The following SLC41A3 variants were observed in gnomAD, a reference collection of about 807,000 sequenced individuals.
SLC41A3 encodes the protein solute carrier family 41 member 3.
Under a neutral mutation model 45.4 loss-of-function variants are expected in SLC41A3, and 44 were observed. The observed-to-expected ratio is 0.97, with a 90% confidence interval of 0.76 to 1.25. The LOEUF (loss-of-function observed/expected upper bound fraction) is 1.25, where lower values mean the gene tolerates loss of function less well. SLC41A3 is among the 50% of genes most tolerant of loss of function. The pLI is 0.00. For synonymous variants in SLC41A3, 256 were observed against 252.4 expected (o/e 1.01, Z -0.13); for missense variants, 550 against 600.6 (o/e 0.92, Z 0.88).
At chr3:126,067,859 T>C (rs1472444384) in intron 2 of SLC41A3, 88 bp downstream of exon 2, 1 of 1,479,510 alleles carries the variant, frequency 6.8e-7, no homozygotes, top group Non-Finnish European at 9.0e-7. Context: ...CCCGACAACC[T>C]TTAAGCTCAA....
chr3:126,022,721 G>C, intron 6 of SLC41A3, 65 bp downstream of exon 6: 1 of 1,596,388 alleles, frequency 6.3e-7, no homozygotes, highest in East Asian at 2.2e-5. Flanking sequence ...CAGCCTCAGT[G>C]GTGACCTGCT....
intron 7 of SLC41A3, among the ~76,000 whole-genome samples, chr3:126,016,440 T>C (rs1940290979): frequency 6.6e-6 from 1 of 152,218 alleles, no homozygotes; most frequent in African/African-American, 2.4e-5. Context: ...CCCTTGGGGC[T>C]CCAGTGCACT....
chr3:126,006,752 T>G lies in SLC41A3; in HGVS notation c.*264A>C. On this transcript the variant is annotated 3_prime_UTR_variant, in exon 11 of 11. Coordinates refer to ENST00000360370, the MANE Select transcript of SLC41A3 (RefSeq NM_017836.4). ...CAGAACACCCTCCTCTCCACAAACG[T>G]GTGCACACTTGCACGCTCATTAAGC... The G allele has an allele frequency of 6.9e-7, 1 of 1,443,724 alleles. No homozygotes were observed. The highest frequency in any genetic ancestry group is 2.9e-5 in the Admixed American group (1 of 34,968). 89.4% of individuals were successfully genotyped at this position (1,443,724 alleles called of 1,614,324 possible). A position where few individuals can be genotyped will look rare whatever the true frequency, so the allele number is the denominator to read the frequency against.
At chr3:126,020,732 T>C (rs1017706002) in intron 6 of SLC41A3, among the ~76,000 whole-genome samples, 2 of 152,112 alleles carry the variant, frequency 1.3e-5, no homozygotes, top group Non-Finnish European at 2.9e-5. Context: ...TATAATCTCT[T>C]CTCTCTGAAG....
At chr3:126,032,253 G>A (rs1941852658) in intron 4 of SLC41A3, among the ~76,000 whole-genome samples, 1 of 152,234 alleles carries the variant, frequency 6.6e-6, no homozygotes, top group Non-Finnish European at 1.5e-5. Flanking sequence ...GGCCACCCAG[G>A]TGGCCAGGAG....
intron 5 of SLC41A3, chr3:126,025,485 G>A (rs917363790): frequency 5.3e-5 from 8 of 152,182 alleles, no homozygotes; most frequent in Non-Finnish European, 1.2e-4. Flanking sequence ...GGGAAGGGGA[G>A]AGAGGACGTG....
At chr3:126,072,609 C>CA (rs1944678094) in intron 1 of SLC41A3, among the ~76,000 whole-genome samples, 2 of 152,188 alleles carry the variant, frequency 1.3e-5, no homozygotes, top group African/African-American at 4.8e-5. Context: ...ATTAAAAAGT[C>CA]AAAAAATAAC....
chr3:126,070,891 A>G (rs779519890), intron 1 of SLC41A3, among the ~76,000 whole-genome samples: 2 of 152,280 alleles, frequency 1.3e-5, no homozygotes, highest in Admixed American at 6.5e-5. Context: ...CTCTTATCCA[A>G]TTTAAAGACA....
chr3:126,036,821 T>A (rs7631268), intron 3 of SLC41A3, among the ~76,000 whole-genome samples: 26,285 of 152,216 alleles, frequency 0.17, 2,399 homozygotes, highest in Middle Eastern at 0.27. Context: ...ATGGAACATC[T>A]GTTTTGCTAT....
chr3:126,066,975 C>T (rs547553934), intron 2 of SLC41A3, among the ~76,000 whole-genome samples: 25 of 152,220 alleles, frequency 1.6e-4, no homozygotes, highest in African/African-American at 5.8e-4. Context: ...GCGTATGGGG[C>T]GATGCTGCAG....
chr3:126,040,821 T>C (rs568098225), intron 3 of SLC41A3, among the ~76,000 whole-genome samples: 1 of 152,164 alleles, frequency 6.6e-6, no homozygotes, highest in Admixed American at 6.5e-5. Flanking sequence ...ACGAGGTAAG[T>C]GTAAATCTAA....
At chr3:126,027,968 G>A (rs79441322) in intron 4 of SLC41A3, among the ~76,000 whole-genome samples, 156 of 152,312 alleles carry the variant, frequency 1.0e-3, no homozygotes, top group African/African-American at 3.5e-3. Context: ...ATATGAACTG[G>A]CTGTTTCTAA....
At position 126,008,845 on chromosome 3, in the gene SLC41A3, G is replaced by A. The variant is rs763187647; in HGVS notation, c.1141C>T (p.Leu381=). Residue 381 remains leucine, a synonymous_variant, in exon 10 of 11, where the codon CTG becomes TTG. Coordinates refer to ENST00000360370, the MANE Select transcript of SLC41A3 (RefSeq NM_017836.4). Reference sequence around the variant, plus strand: ...AAAATCAGATGGCCTGGGACCACCAGCAAGAGCAGGACTCGAGCTGACATG... The same window carrying A: ...AAAATCAGATGGCCTGGGACCACCAACAAGAGCAGGACTCGAGCTGACATG... ...NSMSARVLLL[L]VVPGHLIFFY... is the part of the protein sequence containing the mutation. The A allele has an allele frequency of 2.1e-5, 34 of 1,614,066 alleles. No homozygotes were observed. The highest frequency in any genetic ancestry group is 2.8e-5 in the Non-Finnish European group (33 of 1,180,036).
chr3:126,079,951 C>T (rs1945068846), intron 1 of SLC41A3, among the ~76,000 whole-genome samples: 1 of 152,060 alleles, frequency 6.6e-6, no homozygotes, highest in Non-Finnish European at 1.5e-5. Context: ...GACAAATGCA[C>T]AAGGAACATA....
intron 1 of SLC41A3, among the ~76,000 whole-genome samples, chr3:126,090,071 ATGTTTTT>A (rs1237715645): frequency 1.8e-5 from 2 of 108,306 alleles, no homozygotes; most frequent in East Asian, 5.4e-4. Context: ...TGAGTGAAGT[ATGTTTTT>A]TAAGCAAATG....
chr3:126,098,028 T>C (rs1276272696), intron 1 of SLC41A3, among the ~76,000 whole-genome samples: 1 of 152,240 alleles, frequency 6.6e-6, no homozygotes, highest in Non-Finnish European at 1.5e-5. Flanking sequence ...AGAGCTGCTA[T>C]GCTGAAACTG....
chr3:126,010,612 C>T (rs1448928590), intron 9 of SLC41A3, among the ~76,000 whole-genome samples: 1 of 152,224 alleles, frequency 6.6e-6, no homozygotes, highest in Admixed American at 6.5e-5. Context: ...AAACTGCAGC[C>T]CCGACCTCAT....
chr3:126,010,787 G>A (rs1939628377), intron 9 of SLC41A3, among the ~76,000 whole-genome samples: 1 of 152,218 alleles, frequency 6.6e-6, no homozygotes, highest in African/African-American at 2.4e-5. Context: ...TGGTCTCAGA[G>A]GAGGCCTAGT....
intron 6 of SLC41A3, 48 bp downstream of exon 6, chr3:126,022,738 C>A (rs776849878): frequency 4.4e-6 from 7 of 1,603,704 alleles, no homozygotes; most frequent in East Asian, 2.2e-5. Context: ...TGCTCCAGGG[C>A]CCCCCCTCCA....
Sources: gnomAD v4.1 joint callset for allele counts (sites outside exome capture counted in the v4.1 genomes callset) on GRCh38, gnomAD v4.1.1 for gene constraint, MANE v1.5 for transcripts, NCBI Gene and HGNC (gene_info 2026-07-23, HGNC 2026-07-21) for gene names.